PCDH7: variants seen among roughly 807,000 people sequenced by gnomAD.
PCDH7 encodes protocadherin-7.
A neutral mutation model predicts 58.9 loss-of-function variants in PCDH7; 17 were observed. The observed-to-expected ratio is 0.29, with a 90% CI of 0.20 to 0.43. The LOEUF (loss-of-function observed/expected upper bound fraction) is 0.43. Ranked by LOEUF, PCDH7 falls within the 20% of genes least tolerant of loss-of-function variation. PCDH7 has a pLI of 1.00. For synonymous variants in PCDH7, 664 were observed against 616.4 expected (o/e 1.08, Z -1.14); for missense variants, 1,274 against 1,441.0 (o/e 0.88, Z 1.88).
chr4:30,919,550 A>G (rs1742917794), intron 1 of PCDH7, among the ~76,000 whole-genome samples: 2 of 152,148 alleles, frequency 1.3e-5, no homozygotes, highest in African/African-American at 4.8e-5. Context: ...ACTTTTATCT[A>G]TTATTGCAAT....
chr4:30,896,817 A>G lies in PCDH7; in HGVS notation c.71-23336A>G, dbSNP rs532983363. 7.4e-5 allele frequency among the ~76,000 whole-genome samples: 11 copies of G among 148,388 alleles called. No homozygotes were observed. The South Asian group carries it at 1.7e-3, about 23-fold the overall frequency. ...AATTTGCACGTATCTTTGCACATAC[A>G]TGGACACCAGCCTGCTTTTGAATTG... On this transcript the variant is annotated intron_variant, in intron 1 of 3. Transcript: ENST00000509759.
intron 3 of PCDH7, among the ~76,000 whole-genome samples, chr4:30,961,256 C>T (rs1280141702): frequency 6.6e-6 from 1 of 151,648 alleles, no homozygotes; most frequent in Non-Finnish European, 1.5e-5. Flanking sequence ...GTTATAAAAC[C>T]TTGGCACGCC....
At chr4:30,720,406 A>G (rs952840038), upstream of PCDH7, 6 of 152,762 alleles carry the variant, frequency 3.9e-5, no homozygotes, top group African/African-American at 4.8e-5. The surrounding 1 kb of genome is among the most constrained non-coding windows in gnomAD (Gnocchi z 4.7). Flanking sequence ...CTGCTCCGAC[A>G]TGCGGGCCGA....
intron 3 of PCDH7, among the ~76,000 whole-genome samples, chr4:31,031,223 A>AC (rs775426613): frequency 6.6e-6 from 1 of 151,960 alleles, no homozygotes; most frequent in Non-Finnish European, 1.5e-5. Flanking sequence ...CACCTCCCCG[A>AC]CCCCCCAAGG....
At chr4:31,059,289 C>G (rs1757492428) in intron 3 of PCDH7, among the ~76,000 whole-genome samples, 2 of 151,892 alleles carry the variant, frequency 1.3e-5, no homozygotes, top group Non-Finnish European at 2.9e-5. Context: ...ACTTGCATAA[C>G]TTCTTAAAAA....
At chr4:30,915,026 C>T (rs1742258373) in intron 1 of PCDH7, among the ~76,000 whole-genome samples, 1 of 152,082 alleles carries the variant, frequency 6.6e-6, no homozygotes, top group Non-Finnish European at 1.5e-5. Flanking sequence ...TTTTATTTCT[C>T]TCTTAATTCT....
At chr4:30,987,918 G>A (rs1245571373) in intron 3 of PCDH7, 14 of 152,128 alleles carry the variant, frequency 9.2e-5, no homozygotes, top group Admixed American at 8.5e-4. Context: ...AGTATATTAG[G>A]GGACATTTAA....
At chr4:30,750,400 A>G (rs1287112534) in intron 1 of PCDH7, among the ~76,000 whole-genome samples, 2 of 152,136 alleles carry the variant, frequency 1.3e-5, no homozygotes, top group African/African-American at 2.4e-5. Context: ...ATAGAACATG[A>G]TCACAATAAA....
At chr4:30,841,322 T>C (rs1447368) in intron 1 of PCDH7, among the ~76,000 whole-genome samples, 1 of 152,044 alleles carries the variant, frequency 6.6e-6, no homozygotes, top group East Asian at 1.9e-4. Flanking sequence ...ATAGGGGAAA[T>C]GATTTCTCAA....
At chr4:30,743,719 C>G (rs148236539) in intron 1 of PCDH7, among the ~76,000 whole-genome samples, 171 of 151,526 alleles carry the variant, frequency 1.1e-3, no homozygotes, top group Non-Finnish European at 4.3e-4. Flanking sequence ...ATCTTTCTCT[C>G]TCATACATAC....
chr4:30,739,076 T>A (rs1226786353), intron 1 of PCDH7, among the ~76,000 whole-genome samples: 1 of 148,882 alleles, frequency 6.7e-6, no homozygotes, highest in African/African-American at 2.5e-5. Context: ...AAATAAAAAT[T>A]TCCCATGATA....
chr4:31,135,598 C>G (rs186424079), intron 3 of PCDH7, among the ~76,000 whole-genome samples: 1 of 152,128 alleles, frequency 6.6e-6, no homozygotes, highest in African/African-American at 2.4e-5. Context: ...AATAAATTAT[C>G]TGAAACCCTT....
chr4:30,750,076 G>C (rs1718309066), intron 1 of PCDH7, among the ~76,000 whole-genome samples: 1 of 152,122 alleles, frequency 6.6e-6, no homozygotes. Context: ...AAGGCACTGG[G>C]CAGCTCCTTG....
chr4:31,107,140 A>G (rs1454097748), intron 3 of PCDH7, among the ~76,000 whole-genome samples: 1 of 152,136 alleles, frequency 6.6e-6, no homozygotes, highest in African/African-American at 2.4e-5. Context: ...TACAATCTTC[A>G]TGGGCACTCA....
chr4:31,085,040 C>G (rs1008497175), intron 3 of PCDH7, among the ~76,000 whole-genome samples: 4 of 152,102 alleles, frequency 2.6e-5, no homozygotes, highest in African/African-American at 9.7e-5. Context: ...GTAATTCACG[C>G]AGAGCCAGCT....
intron 1 of PCDH7, among the ~76,000 whole-genome samples, chr4:30,802,101 T>C (rs1325319592): frequency 2.6e-5 from 4 of 152,198 alleles, no homozygotes; most frequent in Non-Finnish European, 5.9e-5. Context: ...AAGTGACTCA[T>C]GGATCTTCAA....
intron 3 of PCDH7, among the ~76,000 whole-genome samples, chr4:31,068,928 G>C (rs1420805343): frequency 6.6e-6 from 1 of 151,934 alleles, no homozygotes; most frequent in Non-Finnish European, 1.5e-5. Context: ...CTATAATTCA[G>C]AGAATAACAT....
intron 1 of PCDH7, among the ~76,000 whole-genome samples, chr4:30,873,882 A>AATT (rs1462530216): frequency 6.6e-6 from 1 of 151,974 alleles, no homozygotes; most frequent in Non-Finnish European, 1.5e-5. Flanking sequence ...TTAAGGACTA[A>AATT]AAGTCTGAAT....
At chr4:30,910,062 A>G (rs906942402) in intron 1 of PCDH7, among the ~76,000 whole-genome samples, 2 of 152,164 alleles carry the variant, frequency 1.3e-5, no homozygotes, top group Non-Finnish European at 2.9e-5. Context: ...CCTGACAAAA[A>G]CAAGCAATGG....
Sources: allele counts gnomAD v4.1 joint callset (sites outside exome capture counted in the v4.1 genomes callset), GRCh38; gene constraint gnomAD v4.1.1; non-coding constraint Gnocchi (gnomAD v3.1); transcripts MANE v1.5; gene names NCBI Gene and HGNC (gene_info 2026-07-23, HGNC 2026-07-21).